The following PHKB variants were observed in gnomAD, a reference collection of about 807,000 sequenced individuals.
PHKB encodes phosphorylase kinase regulatory subunit beta.
Under a neutral mutation model 152.1 loss-of-function variants are expected in PHKB, and 122 were observed. The ratio of observed to expected loss-of-function variants is 0.80; its 90% confidence interval spans 0.69 to 0.93. The LOEUF is 0.93. Among genes scored for constraint, PHKB ranks in the 40% least tolerant of loss-of-function variants. PHKB has a pLI of 0.00. For missense variants in PHKB, 1,304 were observed against 1,328.4 expected, an observed-to-expected ratio of 0.98 and a Z score of 0.29; for synonymous variants, 436 against 464.9, an observed-to-expected ratio of 0.94 and a Z score of 0.80.
intron 26 of PHKB, among the ~76,000 whole-genome samples, chr16:47,676,930 ATC>A (rs1973742529): frequency 6.6e-6 from 1 of 152,126 alleles, no homozygotes; most frequent in African/African-American, 2.4e-5. Context: ...AGTATTTTTC[ATC>A]TCTGCTTTTC....
At chr16:47,640,015 A>G (rs1364356993) in intron 14 of PHKB, among the ~76,000 whole-genome samples, 1 of 152,246 alleles carries the variant, frequency 6.6e-6, no homozygotes, top group Non-Finnish European at 1.5e-5. Context: ...GGATTGTTAA[A>G]TCACATTTTC....
intron 4 of PHKB, among the ~76,000 whole-genome samples, chr16:47,510,750 G>C (rs1277212544): frequency 6.6e-6 from 1 of 152,174 alleles, no homozygotes; most frequent in African/African-American, 2.4e-5. Flanking sequence ...GAGAGGAAAA[G>C]ATGGTTCTAT....
Position 47,588,939 on chromosome 16 carries a change from AT to A in PHKB, c.906del (p.Pro303LeufsTer22). ...GCTGCCCTGCTCCCCTGCATCAGTT[AT>A]CCTGCATTTGCCCTGGATGATGAAG... ...TDAALLPCIS[Y>X]PAFALDDEVL... On this transcript the variant is annotated frameshift_variant, in exon 10 of 31. Transcript: ENST00000323584. LOFTEE classifies it high-confidence loss of function. 1 of 1,613,958 alleles carries A rather than the reference AT, an allele frequency of 6.2e-7. No homozygotes were observed. The highest frequency in any genetic ancestry group is 8.5e-7 in the Non-Finnish European group (1 of 1,179,910).
At position 47,669,422 on chromosome 16, in the gene PHKB, G is replaced by A; in HGVS notation, c.2630+5G>A. 1 of 1,613,304 alleles carries A rather than the reference G, an allele frequency of 6.2e-7. No homozygotes were observed. Among genetic ancestry groups the A allele is most frequent in the Non-Finnish European group, 8.5e-7 (1 of 1,179,200 alleles). Reference sequence around the variant, plus strand: ...CATGCTGAAAATACGAATCGGGTGAGTGAAGTCCTTTGCATTTGCATAAAG... The same window carrying A: ...CATGCTGAAAATACGAATCGGGTGAATGAAGTCCTTTGCATTTGCATAAAG... On this transcript the variant is annotated splice_donor_5th_base_variant and intron_variant, in intron 26 of 30. Transcript: ENST00000323584.
intron 7 of PHKB, among the ~76,000 whole-genome samples, chr16:47,557,595 A>G (rs1447959219): frequency 6.6e-6 from 1 of 152,236 alleles, no homozygotes; most frequent in African/African-American, 2.4e-5. Context: ...ACACTTCTCA[A>G]AAGAAGACAT....
intron 8 of PHKB, among the ~76,000 whole-genome samples, chr16:47,583,942 A>G (rs1971892629): frequency 6.6e-6 from 1 of 152,004 alleles, no homozygotes; most frequent in South Asian, 2.1e-4. Flanking sequence ...GATAAAACAA[A>G]TGTTAATTTT....
chr16:47,541,113 A>C (rs1224533691), intron 6 of PHKB, among the ~76,000 whole-genome samples: 1 of 152,100 alleles, frequency 6.6e-6, no homozygotes, highest in East Asian at 1.9e-4. Context: ...CGTCATTTAC[A>C]TTAGGTATTT....
At chr16:47,615,213 ATTGCTGTTGCCCCTGC>A in intron 14 of PHKB, among the ~76,000 whole-genome samples, 1 of 152,178 alleles carries the variant, frequency 6.6e-6, no homozygotes, top group East Asian at 1.9e-4. Context: ...GATCAACCTA[ATTGCTGTTGCCCCTGC>A]TGTGGAGCAG....
chr16:47,630,064 A>G (rs1428205729), intron 14 of PHKB, among the ~76,000 whole-genome samples: 1 of 152,152 alleles, frequency 6.6e-6, no homozygotes, highest in African/African-American at 2.4e-5. Context: ...TGGGAGATAT[A>G]CCTAATGCTA....
intron 1 of PHKB, among the ~76,000 whole-genome samples, chr16:47,482,418 G>GT (rs1167188269): frequency 6.6e-6 from 1 of 152,112 alleles, no homozygotes; most frequent in Non-Finnish European, 1.5e-5. Flanking sequence ...AGTTTATTGT[G>GT]TTTTTTCCTG....
chr16:47,486,457 T>A (rs913963594), intron 1 of PHKB, among the ~76,000 whole-genome samples: 3 of 152,210 alleles, frequency 2.0e-5, no homozygotes, highest in Non-Finnish European at 2.9e-5. Context: ...TTGTATCTTG[T>A]ATAGATGAGT....
At chr16:47,522,010 A>G (rs1174849385) in intron 6 of PHKB, among the ~76,000 whole-genome samples, 1 of 152,164 alleles carries the variant, frequency 6.6e-6, no homozygotes, top group Non-Finnish European at 1.5e-5. Flanking sequence ...GGATATTGGT[A>G]TATATCCATT....
At chr16:47,658,722 G>A (rs1397810173) in intron 20 of PHKB, among the ~76,000 whole-genome samples, 4 of 151,878 alleles carry the variant, frequency 2.6e-5, no homozygotes, top group Non-Finnish European at 5.9e-5. Flanking sequence ...GTTTGTGTAA[G>A]TACACTCTAT....
rs2151739368 is a variant in PHKB, at chr16:47,665,989, G to A, written c.2427+1014G>A. The A allele has an allele frequency of 1.2e-6, 2 of 1,614,058 alleles. No individual in the cohort carries two copies. The highest frequency in any genetic ancestry group is 1.7e-6 in the Non-Finnish European group (2 of 1,179,926). ...AGTCTTTTAAGTAAAGTAGTGGACAGCCTGGCCCCATCCATTACTAATGTT... is the reference window on the plus strand; with the variant it reads ...AGTCTTTTAAGTAAAGTAGTGGACAACCTGGCCCCATCCATTACTAATGTT... On this transcript the variant is annotated intron_variant, in intron 25 of 30. Transcript: ENST00000323584.
chr16:47,558,153 A>G (rs1971411212), intron 7 of PHKB, among the ~76,000 whole-genome samples: 1 of 147,976 alleles, frequency 6.8e-6, no homozygotes, highest in African/African-American at 2.5e-5. Context: ...CAAACACTGC[A>G]TGTTCTCACT....
chr16:47,650,545 A>G lies in PHKB; in HGVS notation c.1799A>G (p.Asn600Ser), dbSNP rs1973217756. ...DVFLLIDDIK[N>S]ALQFIKQYWK... ...ATCCTACCTCATTCTGTTTGACAGA[A>G]TGCGCTGCAGTTCATTAAACAATAT... Residue 600 changes from asparagine to serine, a missense_variant and splice_region_variant, in exon 19 of 31, where the codon AAT (asparagine) becomes AGT (serine). Asn to Ser is a conservative substitution (Grantham distance 46). Transcript: ENST00000323584. 2.5e-6 allele frequency: 4 copies of G among 1,579,562 alleles called. No homozygotes were observed. The highest frequency in any genetic ancestry group is 1.3e-5 in the African/African-American group (1 of 74,370).
chr16:47,510,956 A>G (rs1283166795), intron 4 of PHKB, among the ~76,000 whole-genome samples: 1 of 152,188 alleles, frequency 6.6e-6, no homozygotes, highest in East Asian at 1.9e-4. Flanking sequence ...CATCACTGGC[A>G]TCAGTAAATG....
chr16:47,563,711 A>G (rs927066412), intron 7 of PHKB, among the ~76,000 whole-genome samples: 1 of 151,964 alleles, frequency 6.6e-6, no homozygotes. Flanking sequence ...GGTTACATGG[A>G]TGAATTTTAT....
chr16:47,580,732 G>T (rs181889754), intron 8 of PHKB, among the ~76,000 whole-genome samples: 2 of 151,880 alleles, frequency 1.3e-5, no homozygotes, highest in Non-Finnish European at 1.5e-5. Flanking sequence ...TCAATGTAAT[G>T]TATTTCAATG....
Sources: allele counts gnomAD v4.1 joint callset (sites outside exome capture counted in the v4.1 genomes callset), GRCh38; gene constraint gnomAD v4.1.1; transcripts MANE v1.5; gene names NCBI Gene and HGNC (gene_info 2026-07-23, HGNC 2026-07-21).